Variants in PRKCH observed in about 807,000 individuals in gnomAD.
The protein encoded by PRKCH is protein kinase C eta.
Under a neutral mutation model 82.5 loss-of-function variants are expected in PRKCH, and 28 were observed. That is an observed-to-expected ratio of 0.34 (90% CI 0.25 to 0.47). The LOEUF (loss-of-function observed/expected upper bound fraction) is 0.47. Among genes scored for constraint, PRKCH ranks in the 20% least tolerant of loss-of-function variants. The pLI, the probability that PRKCH is intolerant of heterozygous loss-of-function variation, is 1.00. For missense variants in PRKCH, 705 were observed against 881.8 expected (o/e 0.80, Z 2.54); for synonymous variants, 322 against 327.4 (o/e 0.98, Z 0.18).
At chr14:61,513,015 C>T (rs1478131563) in intron 10 of PRKCH, among the ~76,000 whole-genome samples, 1 of 152,140 alleles carries the variant, frequency 6.6e-6, no homozygotes, top group Non-Finnish European at 1.5e-5. Context: ...GACAGGGTCT[C>T]ACTGTGTTGC....
intron 1 of PRKCH, among the ~76,000 whole-genome samples, chr14:61,208,274 T>A (rs1240398939): frequency 1.3e-5 from 2 of 152,240 alleles, no homozygotes; most frequent in Non-Finnish European, 2.9e-5. Context: ...GGTATTTATT[T>A]ATTTTTTTAT....
intron 12 of PRKCH, chr14:61,545,409 C>G (rs1566937802): frequency 6.6e-6 from 1 of 152,184 alleles, no homozygotes; most frequent in Non-Finnish European, 1.5e-5. Flanking sequence ...TTGATTCTTC[C>G]CCCTTCTCTT....
At chr14:61,420,346 TG>T (rs2140244717) in intron 2 of PRKCH, among the ~76,000 whole-genome samples, 1 of 152,212 alleles carries the variant, frequency 6.6e-6, no homozygotes, top group South Asian at 2.1e-4. Context: ...CTTAGAATGA[TG>T]AAAGTGTTGT....
chr14:61,528,125 T>C (rs1164733043), intron 10 of PRKCH: 3 of 145,234 alleles, frequency 2.1e-5, no homozygotes, highest in Admixed American at 1.4e-4. Context: ...TGTCTGTCTG[T>C]ATATGAAATA....
chr14:61,446,886 T>C (rs1371940657), intron 4 of PRKCH, among the ~76,000 whole-genome samples: 10 of 152,258 alleles, frequency 6.6e-5, no homozygotes, highest in African/African-American at 2.4e-4. Context: ...AAGATACATC[T>C]CTATTGTTAT....
At chr14:61,515,636 C>G (rs2042814803) in intron 10 of PRKCH, among the ~76,000 whole-genome samples, 1 of 152,160 alleles carries the variant, frequency 6.6e-6, no homozygotes. Context: ...GTACTGGTGC[C>G]AGACCATGTC....
chr14:61,473,854 A>G (rs562403944), intron 9 of PRKCH, among the ~76,000 whole-genome samples: 8 of 152,072 alleles, frequency 5.3e-5, no homozygotes, highest in Non-Finnish European at 7.4e-5. Flanking sequence ...TTAGCCGGGC[A>G]TGGTGGCACG....
chr14:61,224,101 T>G (rs1294773435), intron 1 of PRKCH, among the ~76,000 whole-genome samples: 1 of 152,208 alleles, frequency 6.6e-6, no homozygotes, highest in Non-Finnish European at 1.5e-5. Flanking sequence ...ATCCCACCCC[T>G]GACCCTGGGC....
chr14:61,189,641 TC>T (rs1378762038), intron 1 of PRKCH, among the ~76,000 whole-genome samples: 1 of 151,772 alleles, frequency 6.6e-6, no homozygotes, highest in Non-Finnish European at 1.5e-5. Context: ...CTCTCTGTCT[TC>T]CTACCTTCCT....
chr14:61,203,357 A>G (rs2044497373), intron 1 of PRKCH, among the ~76,000 whole-genome samples: 1 of 152,164 alleles, frequency 6.6e-6, no homozygotes, highest in African/African-American at 2.4e-5. Flanking sequence ...TGGTCTGCGA[A>G]AGAGGTGCCA....
At chr14:61,538,911 C>G (rs2043146326) in intron 12 of PRKCH, among the ~76,000 whole-genome samples, 1 of 152,186 alleles carries the variant, frequency 6.6e-6, no homozygotes. Flanking sequence ...TGTATAGTCC[C>G]CACTAGAGAA....
upstream of PRKCH, among the ~76,000 whole-genome samples, chr14:61,321,357 GC>G (rs1172108539): frequency 1.3e-5 from 2 of 152,240 alleles, no homozygotes; most frequent in African/African-American, 4.8e-5. This position sits in a 1 kb window ranked among gnomAD's most constrained non-coding sequence, Gnocchi z 4.1. Context: ...GTTTGCTCGG[GC>G]TGGGCCACGA....
chr14:61,189,504 C>A (rs1264428052), intron 1 of PRKCH, among the ~76,000 whole-genome samples: 1 of 149,506 alleles, frequency 6.7e-6, no homozygotes, highest in Non-Finnish European at 1.5e-5. Context: ...GAAATGTTAT[C>A]TCTCTCTCTC....
intron 1 of PRKCH, among the ~76,000 whole-genome samples, chr14:61,234,842 T>A (rs1207686963): frequency 6.6e-6 from 1 of 152,236 alleles, no homozygotes; most frequent in Non-Finnish European, 1.5e-5. Flanking sequence ...CAGTCTCACT[T>A]GCCAGCTATG....
intron 1 of PRKCH, among the ~76,000 whole-genome samples, chr14:61,292,584 G>A (rs1297406456): frequency 1.3e-5 from 2 of 152,010 alleles, no homozygotes; most frequent in African/African-American, 2.4e-5. Flanking sequence ...AGACCAGCCT[G>A]ATGGGGTGAA....
At chr14:61,449,644 C>T (rs1468055673) in intron 5 of PRKCH, among the ~76,000 whole-genome samples, 1 of 152,118 alleles carries the variant, frequency 6.6e-6, no homozygotes, top group Non-Finnish European at 1.5e-5. Flanking sequence ...TGAATCCAGC[C>T]TCTGTTAGCC....
chr14:61,469,107 T>C (rs577688435), intron 9 of PRKCH, among the ~76,000 whole-genome samples: 1 of 152,312 alleles, frequency 6.6e-6, no homozygotes, highest in African/African-American at 2.4e-5. Flanking sequence ...TTTATTTGTT[T>C]TCATTTTTTG....
At chr14:61,232,051 C>T (rs7157765) in intron 1 of PRKCH, among the ~76,000 whole-genome samples, 25,169 of 152,076 alleles carry the variant, frequency 0.17, 2,695 homozygotes, top group African/African-American at 0.27. Flanking sequence ...AGCCACCTCC[C>T]CAACTGCCCA....
intron 9 of PRKCH, among the ~76,000 whole-genome samples, chr14:61,479,386 G>A (rs1035739827): frequency 1.2e-4 from 19 of 152,154 alleles, no homozygotes; most frequent in East Asian, 3.9e-4. Flanking sequence ...GATGCTGAGC[G>A]TTTACCCATG....
Sources: gnomAD v4.1 joint callset for allele counts (sites outside exome capture counted in the v4.1 genomes callset) on GRCh38, gnomAD v4.1.1 for gene constraint, Gnocchi (gnomAD v3.1) non-coding constraint, MANE v1.5 for transcripts, NCBI Gene and HGNC (gene_info 2026-07-23, HGNC 2026-07-21) for gene names.